Variants in GATB observed in about 807,000 individuals in gnomAD.
GATB encodes glutamyl-tRNA(Gln) amidotransferase subunit B, mitochondrial.
GATB carries 39 observed loss-of-function variants against 62.3 expected under a neutral mutation model. The ratio of observed to expected loss-of-function variants is 0.63; its 90% CI spans 0.48 to 0.82. The LOEUF (loss-of-function observed/expected upper bound fraction) is 0.82, where lower values mean the gene tolerates loss of function less well. Among genes scored for constraint, GATB ranks in the 40% least tolerant of loss-of-function variants. GATB has a pLI of 0.00. For synonymous variants in GATB, 276 were observed against 258.9 expected, an observed-to-expected ratio of 1.07 and a Z score of -0.63; for missense variants, 670 against 684.0, an observed-to-expected ratio of 0.98 and a Z score of 0.23.
At chr4:151,705,322 G>C in intron 6 of GATB, 53 bp from the exon 7 acceptor site, 1 of 1,096,422 alleles carries the variant, frequency 9.1e-7, no homozygotes, top group Non-Finnish European at 1.4e-6. Flanking sequence ...CTTTCATCCA[G>C]TCAAGCAATA....
At chr4:151,732,856 AT>A (rs1447259326) in intron 2 of GATB, among the ~76,000 whole-genome samples, 1 of 151,806 alleles carries the variant, frequency 6.6e-6, no homozygotes, top group Admixed American at 6.5e-5. Flanking sequence ...CTATGTAGAA[AT>A]AAAAAGATAA....
intron 9 of GATB, among the ~76,000 whole-genome samples, chr4:151,694,795 A>G (rs947972073): frequency 6.6e-6 from 1 of 152,226 alleles, no homozygotes; most frequent in Non-Finnish European, 1.5e-5. Flanking sequence ...ATTATTTTAT[A>G]GGCAATTCAT....
At chr4:151,690,732 G>C (rs1738348824) in intron 9 of GATB, among the ~76,000 whole-genome samples, 5 of 152,174 alleles carry the variant, frequency 3.3e-5, no homozygotes, top group Admixed American at 1.3e-4. Context: ...GGATAACACG[G>C]CAAGTCAGAT....
At chr4:151,701,919 C>T (rs1332398200) in intron 8 of GATB, among the ~76,000 whole-genome samples, 1 of 152,210 alleles carries the variant, frequency 6.6e-6, no homozygotes, top group African/African-American at 2.4e-5. Context: ...CTCACATGAG[C>T]CTGGATGGTA....
chr4:151,753,742 T>G (rs529124634), intron 2 of GATB, among the ~76,000 whole-genome samples: 1 of 150,996 alleles, frequency 6.6e-6, no homozygotes, highest in Non-Finnish European at 1.5e-5. Context: ...AAGTGTACAC[T>G]ATCATAGACT....
chr4:151,675,905 C>T (rs1373990443), intron 11 of GATB: 6 of 152,204 alleles, frequency 3.9e-5, no homozygotes, highest in African/African-American at 9.7e-5. Flanking sequence ...TTAGTTGCCA[C>T]CCAACTGTTT....
intron 5 of GATB, among the ~76,000 whole-genome samples, chr4:151,713,980 T>C (rs1738867179): frequency 6.6e-6 from 1 of 152,232 alleles, no homozygotes; most frequent in East Asian, 1.9e-4. Flanking sequence ...AGATGTCAAA[T>C]TAATTTTAAA....
intron 2 of GATB, among the ~76,000 whole-genome samples, chr4:151,746,539 G>A (rs755407884): frequency 7.2e-5 from 11 of 152,082 alleles, no homozygotes; most frequent in South Asian, 2.1e-4. Flanking sequence ...ATTTTACTAG[G>A]TCCAAATAAT....
chr4:151,692,134 C>A (rs1361897773), intron 9 of GATB, among the ~76,000 whole-genome samples: 1 of 152,214 alleles, frequency 6.6e-6, no homozygotes, highest in Non-Finnish European at 1.5e-5. Flanking sequence ...TACCTCAATT[C>A]ATCCCAACAA....
intron 2 of GATB, among the ~76,000 whole-genome samples, chr4:151,756,874 C>T (rs905509546): frequency 6.6e-6 from 1 of 152,134 alleles, no homozygotes; most frequent in Non-Finnish European, 1.5e-5. Context: ...TGCAAATGGA[C>T]CTGTTTCTAA....
Position 151,758,781 on chromosome 4 carries a change from T to C in GATB, c.318A>G (p.Gly106=). The change falls in exon 2 of 13, where the codon GGA becomes GGG. Residue 106 remains glycine, a synonymous_variant. Coordinates refer to ENST00000263985, the MANE Select transcript of GATB (RefSeq NM_004564.3). Reference sequence around the variant, plus strand: ...TAAATAAGAATCTTACCGGCAAAGTTCCAGGTAGAGATGCATCAAAAAAAG... The same window carrying C: ...TAAATAAGAATCTTACCGGCAAAGTCCCAGGTAGAGATGCATCAAAAAAAG... The part of the protein sequence containing the change: ...LVSFFDASLP[G]TLPVLNRRCV... 4 of 1,586,186 alleles carry C rather than the reference T, an allele frequency of 2.5e-6. No homozygotes were observed. The South Asian group carries it at 4.8e-5, about 19-fold the overall frequency.
At chr4:151,744,936 T>A (rs1351963740) in intron 2 of GATB, among the ~76,000 whole-genome samples, 1 of 152,190 alleles carries the variant, frequency 6.6e-6, no homozygotes, top group African/African-American at 2.4e-5. Flanking sequence ...GGGTATGAGC[T>A]CACAGACACA....
At chr4:151,700,204 T>G (rs990974074) in intron 9 of GATB, among the ~76,000 whole-genome samples, 2 of 152,240 alleles carry the variant, frequency 1.3e-5, no homozygotes, top group African/African-American at 4.8e-5. Flanking sequence ...CATTAAGCAC[T>G]GCTGATGTTG....
Position 151,671,177 on chromosome 4 carries a change from C to A in GATB, c.1671G>T (p.Leu557Phe), listed in dbSNP as rs781263051. 1.2e-6 allele frequency: 2 copies of A among 1,614,214 alleles called. No individual in the cohort carries two copies. The highest frequency in any genetic ancestry group is 1.7e-6 in the Non-Finnish European group (2 of 1,180,036). ...GGGCAAGGGGATCCCAAACATCTCA[C>A]AATGACAGCTTCTTCTCCAGGATCT... Reference protein sequence around the residue: ...IKEILEKKLSL With the variant: ...IKEILEKKLSF Residue 557 changes from leucine to phenylalanine, a missense_variant, in exon 13 of 13, where the codon TTG becomes TTT. Transcript: ENST00000263985.
intron 2 of GATB, chr4:151,723,970 G>A (rs1739082100): frequency 6.6e-6 from 1 of 152,130 alleles, no homozygotes; most frequent in African/African-American, 2.4e-5. Flanking sequence ...ATAAAGAATT[G>A]CTTGTCTGGC....
At chr4:151,671,808 A>T (rs1465261513) in intron 12 of GATB, among the ~76,000 whole-genome samples, 1 of 151,714 alleles carries the variant, frequency 6.6e-6, no homozygotes, top group East Asian at 1.9e-4. Flanking sequence ...GGTCGGGGGG[A>T]GTGTGCTGTG....
Position 151,758,773 on chromosome 4 carries a change from G to A in GATB, c.326C>T (p.Pro109Leu), listed in dbSNP as rs766387123. The change falls in exon 2 of 13, where the codon CCG (proline) becomes CTG (leucine). Residue 109 changes from proline to leucine, a missense_variant and splice_region_variant. Transcript: ENST00000263985. ...AATAGGATTAAATAAGAATCTTACC[G>A]GCAAAGTTCCAGGTAGAGATGCATC... is the stretch of plus-strand genomic sequence containing the variant. ...FFDASLPGTLPVLNRRCVEAA... is the reference protein window; with the variant it reads ...FFDASLPGTLLVLNRRCVEAA... The A allele has an allele frequency of 1.4e-5, 22 of 1,561,390 alleles. No homozygotes were observed. Among genetic ancestry groups the A allele is most frequent in the South Asian group, 8.8e-5 (7 of 79,538 alleles).
chr4:151,720,718 G>A (rs909090767), intron 2 of GATB: 1 of 152,080 alleles, frequency 6.6e-6, no homozygotes, highest in Non-Finnish European at 1.5e-5. Flanking sequence ...AAGACCCAAA[G>A]AGTCTAAAAC....
intron 2 of GATB, among the ~76,000 whole-genome samples, chr4:151,745,356 C>T (rs1434024529): frequency 6.6e-6 from 1 of 152,178 alleles, no homozygotes; most frequent in Non-Finnish European, 1.5e-5. Flanking sequence ...TTTCAGAAAG[C>T]CTGATGCTCC....
Sources: gnomAD v4.1 joint callset for allele counts (sites outside exome capture counted in the v4.1 genomes callset) on GRCh38, gnomAD v4.1.1 for gene constraint, MANE v1.5 for transcripts, NCBI Gene and HGNC (gene_info 2026-07-23, HGNC 2026-07-21) for gene names.